Variants in PPFIA2 observed in about 807,000 individuals in gnomAD.
The protein encoded by PPFIA2 is PPFI scaffold protein A2.
PPFIA2 carries 46 observed loss-of-function variants against 175.5 expected under a neutral mutation model. The ratio of observed to expected loss-of-function variants is 0.26; its 90% CI spans 0.21 to 0.34. The LOEUF (loss-of-function observed/expected upper bound fraction) is 0.34, where lower values mean the gene tolerates loss of function less well. Ranked by LOEUF, PPFIA2 falls within the 10% of genes least tolerant of loss-of-function variation. The pLI is 1.00. For missense variants in PPFIA2, 1,179 were observed against 1,506.1 expected, an observed-to-expected ratio of 0.78 and a Z score of 3.60; for synonymous variants, 568 against 511.4, an observed-to-expected ratio of 1.11 and a Z score of -1.49.
chr12:81,655,960 T>C (rs1377966607), intron 4 of PPFIA2, among the ~76,000 whole-genome samples: 1 of 152,074 alleles, frequency 6.6e-6, no homozygotes, highest in Non-Finnish European at 1.5e-5. Flanking sequence ...GTATAAACAT[T>C]AAAAATTTTT....
intron 4 of PPFIA2, among the ~76,000 whole-genome samples, chr12:81,532,143 G>A (rs2064665790): frequency 6.6e-6 from 1 of 151,664 alleles, no homozygotes; most frequent in South Asian, 2.1e-4. Context: ...TTTTCACTTT[G>A]GTGGCCTGGC....
At chr12:81,346,292 C>A (rs528679344) in intron 18 of PPFIA2, among the ~76,000 whole-genome samples, 1 of 151,872 alleles carries the variant, frequency 6.6e-6, no homozygotes, top group East Asian at 1.9e-4. Context: ...GTGGAAAAAT[C>A]CAGCTCCATT....
At chr12:81,326,665 A>T (rs771001888) in intron 21 of PPFIA2, among the ~76,000 whole-genome samples, 10 of 152,160 alleles carry the variant, frequency 6.6e-5, no homozygotes, top group Admixed American at 3.3e-4. Flanking sequence ...TTAAACACAT[A>T]TCACAGGATT....
At chr12:81,549,225 C>G (rs913375638) in intron 4 of PPFIA2, among the ~76,000 whole-genome samples, 2 of 151,886 alleles carry the variant, frequency 1.3e-5, no homozygotes, top group African/African-American at 2.4e-5. Flanking sequence ...CTTCCTAGAG[C>G]CTTCAGTTCT....
chr12:81,639,046 T>C (rs10506845), intron 4 of PPFIA2, among the ~76,000 whole-genome samples: 9,291 of 152,268 alleles, frequency 0.061, 411 homozygotes, highest in East Asian at 0.23. Context: ...TTTCCATATT[T>C]CTTCTCTAGT....
At chr12:81,325,658 G>A (rs2054602683) in intron 22 of PPFIA2, 119 bp downstream of exon 22, 2 of 673,146 alleles carry the variant, frequency 3.0e-6, no homozygotes, top group Non-Finnish European at 5.0e-6. Context: ...GGTAGTATCT[G>A]GAAAATATTG....
At chr12:81,587,045 A>G (rs2153436677) in intron 4 of PPFIA2, among the ~76,000 whole-genome samples, 1 of 152,108 alleles carries the variant, frequency 6.6e-6, no homozygotes, top group East Asian at 1.9e-4. Context: ...TTAGGAAAGT[A>G]AAAATAGAGA....
At chr12:81,441,884 T>C (rs2050237759) in intron 6 of PPFIA2, among the ~76,000 whole-genome samples, 1 of 152,262 alleles carries the variant, frequency 6.6e-6, no homozygotes, top group African/African-American at 2.4e-5. Flanking sequence ...ACGCTGATCA[T>C]ATCACACTTA....
At chr12:81,270,978 A>G (rs904152113) in intron 28 of PPFIA2, 15 of 152,214 alleles carry the variant, frequency 9.9e-5, no homozygotes, top group Non-Finnish European at 1.9e-4. Flanking sequence ...TAAAGTTTAT[A>G]TTCTGATATT....
chr12:81,375,130 G>C (rs1160394610), intron 10 of PPFIA2, among the ~76,000 whole-genome samples: 2 of 152,072 alleles, frequency 1.3e-5, no homozygotes, highest in Non-Finnish European at 2.9e-5. Flanking sequence ...AGGTAATGTA[G>C]CATGATGATC....
chr12:81,334,496 A>G (rs1375154946), intron 21 of PPFIA2, among the ~76,000 whole-genome samples: 1 of 151,972 alleles, frequency 6.6e-6, no homozygotes, highest in East Asian at 1.9e-4. Flanking sequence ...CACCAAAAAA[A>G]AAAAAAAATA....
At chr12:81,744,992 T>C (rs780532700) in intron 3 of PPFIA2, among the ~76,000 whole-genome samples, 4 of 152,210 alleles carry the variant, frequency 2.6e-5, no homozygotes, top group Admixed American at 6.5e-5. Context: ...GGAATATTAA[T>C]TGAGATGATA....
At chr12:81,385,950 C>T (rs2038845207) in intron 8 of PPFIA2, among the ~76,000 whole-genome samples, 1 of 151,872 alleles carries the variant, frequency 6.6e-6, no homozygotes, top group Admixed American at 6.6e-5. Flanking sequence ...TACATTGTAA[C>T]TCACGAATAT....
At chr12:81,534,779 CTT>C (rs2065140387) in intron 4 of PPFIA2, among the ~76,000 whole-genome samples, 1 of 151,626 alleles carries the variant, frequency 6.6e-6, no homozygotes, top group African/African-American at 2.4e-5. Context: ...CACAAGAACT[CTT>C]TCAGAAGTAG....
rs1593113896 is a variant in PPFIA2, at chr12:81,446,318, GTTA to G, written c.406-601_406-599del. ...AAGGATACAGTTTTAAATTGCCTGT[GTTA>G]GAATCTATGATTTCCCAGAGTAGCC... On this transcript the variant is annotated intron_variant, in intron 5 of 32. Transcript: ENST00000549396. 2.6e-5 allele frequency among the ~76,000 whole-genome samples: 4 copies of G among 152,170 alleles called. No individual in the cohort carries two copies. The East Asian group carries it at 7.7e-4, about 29-fold the overall frequency.
At chr12:81,442,187 T>C (rs752939122) in intron 6 of PPFIA2, among the ~76,000 whole-genome samples, 1 of 152,098 alleles carries the variant, frequency 6.6e-6, no homozygotes, top group Non-Finnish European at 1.5e-5. Context: ...TTTAGAATAG[T>C]GGTTTACAAA....
At chr12:81,711,774 T>C (rs1051047326) in intron 3 of PPFIA2, among the ~76,000 whole-genome samples, 38 of 150,600 alleles carry the variant, frequency 2.5e-4, no homozygotes, top group African/African-American at 8.8e-4. Flanking sequence ...GGATGGGCTA[T>C]ACTTACATTT....
At chr12:81,492,713 T>C (rs941505743) in intron 4 of PPFIA2, among the ~76,000 whole-genome samples, 3 of 152,058 alleles carry the variant, frequency 2.0e-5, no homozygotes, top group African/African-American at 7.2e-5. Flanking sequence ...CAGGACTCTA[T>C]GGGCTATTAT....
chr12:81,275,941 C>T (rs7295701), intron 28 of PPFIA2, among the ~76,000 whole-genome samples: 1 of 151,628 alleles, frequency 6.6e-6, no homozygotes, highest in Non-Finnish European at 1.5e-5. Flanking sequence ...CCTGCCACCA[C>T]GCCCGGCTAA....
Sources: allele counts gnomAD v4.1 joint callset (sites outside exome capture counted in the v4.1 genomes callset), GRCh38; gene constraint gnomAD v4.1.1; transcripts MANE v1.5; gene names NCBI Gene and HGNC (gene_info 2026-07-23, HGNC 2026-07-21).